CBLB: variants seen among roughly 807,000 people sequenced by gnomAD.
CBLB encodes Cbl proto-oncogene B.
A neutral mutation model predicts 104.9 loss-of-function variants in CBLB; 31 were observed. The ratio of observed to expected loss-of-function variants is 0.30; its 90% CI spans 0.22 to 0.40. The LOEUF (loss-of-function observed/expected upper bound fraction) is 0.40, where lower values mean the gene tolerates loss of function less well. CBLB is among the 10% of genes least tolerant of loss of function. The probability of loss-of-function intolerance (pLI) is 1.00; values close to 1 mark genes in which losing one functional copy is unlikely to be tolerated. For missense variants in CBLB, 1,062 were observed against 1,214.6 expected, an observed-to-expected ratio of 0.87 and a Z score of 1.87; for synonymous variants, 440 against 422.6, an observed-to-expected ratio of 1.04 and a Z score of -0.51.
At chr3:105,723,365 C>T (rs1162086388) in intron 9 of CBLB, among the ~76,000 whole-genome samples, 1 of 152,106 alleles carries the variant, frequency 6.6e-6, no homozygotes, top group Non-Finnish European at 1.5e-5. Context: ...AGAGGAAGTA[C>T]TGAGGACTCC....
chr3:105,679,077 TA>T (rs1289285803), intron 16 of CBLB, among the ~76,000 whole-genome samples: 1 of 152,140 alleles, frequency 6.6e-6, no homozygotes, highest in East Asian at 1.9e-4. Context: ...TTATTTAACC[TA>T]ATGTTTCATA....
intron 13 of CBLB, among the ~76,000 whole-genome samples, chr3:105,686,025 C>A (rs940371075): frequency 2.0e-5 from 3 of 151,972 alleles, no homozygotes; most frequent in Non-Finnish European, 4.4e-5. Flanking sequence ...CAACTGAGAG[C>A]TAGAAATGAA....
chr3:105,759,539 G>A (rs575292906), intron 4 of CBLB, among the ~76,000 whole-genome samples: 5 of 152,138 alleles, frequency 3.3e-5, no homozygotes, highest in African/African-American at 9.7e-5. Context: ...CAACCCCGTC[G>A]GCCTCCCTCC....
At chr3:105,822,916 C>A (rs964345819) in intron 3 of CBLB, among the ~76,000 whole-genome samples, 3 of 152,164 alleles carry the variant, frequency 2.0e-5, no homozygotes, top group African/African-American at 7.2e-5. Flanking sequence ...GGCTCTCAAG[C>A]CTTGCCCTTC....
At chr3:105,732,389 T>A (rs1211962927) in intron 9 of CBLB, among the ~76,000 whole-genome samples, 1 of 151,978 alleles carries the variant, frequency 6.6e-6, no homozygotes, top group Non-Finnish European at 1.5e-5. Flanking sequence ...TCCTTCAACA[T>A]CTCCCTGTAA....
chr3:105,728,219 G>A (rs1016467404), intron 9 of CBLB, among the ~76,000 whole-genome samples: 5 of 152,082 alleles, frequency 3.3e-5, no homozygotes, highest in South Asian at 2.1e-4. Context: ...AAACCCCGTC[G>A]TCTCAGCCCA....
intron 3 of CBLB, among the ~76,000 whole-genome samples, chr3:105,843,916 G>A (rs967260426): frequency 6.6e-6 from 1 of 152,118 alleles, no homozygotes; most frequent in African/African-American, 2.4e-5. Flanking sequence ...GGACTGAATG[G>A]TGTCCCCTAA....
chr3:105,701,383 A>C (rs948525639), intron 12 of CBLB, among the ~76,000 whole-genome samples: 8 of 152,246 alleles, frequency 5.3e-5, no homozygotes, highest in Admixed American at 2.0e-4. Flanking sequence ...TGTCCCAGGC[A>C]ACAATAACTA....
chr3:105,702,482 A>AAG (rs765713261), intron 11 of CBLB, 23 bp from the exon 12 acceptor site: 17 of 1,459,390 alleles, frequency 1.2e-5, no homozygotes, highest in Admixed American at 2.4e-5. Context: ...AAGAGAAAAA[A>AAG]AAAAAAAAAA....
intron 3 of CBLB, among the ~76,000 whole-genome samples, chr3:105,843,308 A>G (rs2153100536): frequency 6.6e-6 from 1 of 152,366 alleles, no homozygotes; most frequent in African/African-American, 2.4e-5. Flanking sequence ...TTTTAATATT[A>G]AAGACAAAAT....
chr3:105,722,662 C>T (rs1186166473), intron 9 of CBLB, among the ~76,000 whole-genome samples: 1 of 152,166 alleles, frequency 6.6e-6, no homozygotes, highest in Non-Finnish European at 1.5e-5. Context: ...CACTATTAGG[C>T]TACGTAAGTT....
intron 4 of CBLB, among the ~76,000 whole-genome samples, chr3:105,764,023 T>A (rs2077952228): frequency 6.6e-6 from 1 of 152,218 alleles, no homozygotes. Context: ...AACCCAAATA[T>A]TTTGTAATGG....
At chr3:105,718,561 A>G (rs1446981747) in intron 10 of CBLB, among the ~76,000 whole-genome samples, 1 of 152,182 alleles carries the variant, frequency 6.6e-6, no homozygotes, top group African/African-American at 2.4e-5. Context: ...ACAGAGATAG[A>G]TGAATACGGT....
At chr3:105,868,522 C>CA in intron 1 of CBLB, 1 of 324,070 alleles carries the variant, frequency 3.1e-6, no homozygotes, top group Non-Finnish European at 5.3e-6. Context: ...CCGCCTGCTG[C>CA]AGTCCTCACC....
At chr3:105,760,929 T>C (rs962020571) in intron 4 of CBLB, among the ~76,000 whole-genome samples, 2 of 152,216 alleles carry the variant, frequency 1.3e-5, no homozygotes, top group Non-Finnish European at 2.9e-5. Flanking sequence ...TTCCTATTAA[T>C]AACCAACATT....
At chr3:105,741,104 T>TTTG (rs1287717039) in intron 6 of CBLB, among the ~76,000 whole-genome samples, 2 of 147,236 alleles carry the variant, frequency 1.4e-5, no homozygotes, top group African/African-American at 2.5e-5. Context: ...GGTTTTTTTT[T>TTTG]TTTTTTTTTT....
In CBLB at chr3:105,693,527, G is replaced by C. The variant is rs1224056938; in HGVS notation, c.2021C>G (p.Pro674Arg). The C allele has an allele frequency of 6.2e-7, 1 of 1,612,566 alleles. No homozygotes were observed. Residue 674 changes from proline (P) to arginine (R), a missense_variant, in exon 13 of 19, where the codon CCT becomes CGT. This residue lies in a region of CBLB where 605 missense variants were observed against 582.6 expected (regional missense o/e 1.04). Transcript: ENST00000394030. ...AGGGAGGAGGGTGGTAACTGGAGGA[G>C]GAGGAGAAAGCCGGGGAGGAACATC... Reference protein sequence around the residue: ...EYDVPPRLSPPPPVTTLLPSI... With the variant: ...EYDVPPRLSPRPPVTTLLPSI...
chr3:105,669,632 T>C (rs1320190534), intron 18 of CBLB, among the ~76,000 whole-genome samples: 1 of 152,026 alleles, frequency 6.6e-6, no homozygotes. Flanking sequence ...AAATTTTAAG[T>C]AGTGACGGGT....
intron 13 of CBLB, among the ~76,000 whole-genome samples, chr3:105,689,597 T>C (rs191012358): frequency 1.3e-5 from 2 of 151,424 alleles, no homozygotes; most frequent in Admixed American, 1.3e-4. Context: ...ATAATGCCTC[T>C]GTTCATTTGC....
Sources: allele counts gnomAD v4.1 joint callset (sites outside exome capture counted in the v4.1 genomes callset), GRCh38; gene constraint gnomAD v4.1.1; regional missense constraint gnomAD v4.1.1; transcripts MANE v1.5; gene names NCBI Gene and HGNC (gene_info 2026-07-23, HGNC 2026-07-21).